Variants in ARHGAP29 observed in about 807,000 individuals in gnomAD.
ARHGAP29 encodes Rho GTPase activating protein 29.
In ARHGAP29, 43 loss-of-function variants were observed where a neutral mutation model predicts 122.6. The ratio of observed to expected loss-of-function variants is 0.35; its 90% CI spans 0.27 to 0.45. The LOEUF is 0.45. Ranked by LOEUF, ARHGAP29 falls within the 20% of genes least tolerant of loss-of-function variation. The pLI, the probability that ARHGAP29 is intolerant of heterozygous loss-of-function variation, is 1.00. For synonymous variants in ARHGAP29, 506 were observed against 497.1 expected (o/e 1.02, Z -0.24); for missense variants, 1,303 against 1,477.2 (o/e 0.88, Z 1.93).
chr1:94,284,117 T>A, the ARHGAP29 span, among the ~76,000 whole-genome samples: 2 of 149,400 alleles, frequency 1.3e-5, no homozygotes, highest in Non-Finnish European at 3.0e-5. Flanking sequence ...AAGCCAGGGC[T>A]GGAAACACAA....
intron 3 of ARHGAP29, among the ~76,000 whole-genome samples, chr1:94,219,073 T>G (rs1246801052): frequency 6.6e-6 from 1 of 152,082 alleles, no homozygotes; most frequent in Non-Finnish European, 1.5e-5. Flanking sequence ...TAGAGTGAGT[T>G]CCTCACTCTG....
chr1:94,184,172 G>A lies in ARHGAP29; in HGVS notation c.2226C>T (p.Val742=). 1.2e-6 allele frequency: 2 copies of A among 1,607,432 alleles called. No individual in the cohort carries two copies. Among genetic ancestry groups the A allele is most frequent in the Non-Finnish European group, 1.7e-6 (2 of 1,178,140 alleles). ...SEFSSHDICD[V]LKLYLRQLPE... is the part of the protein sequence containing the mutation. Reference sequence around the variant, plus strand: ...TTACCTGCCGAAGGTATAATTTCAAGACGTCACAGATATCATGTGAACTAA... The same window carrying A: ...TTACCTGCCGAAGGTATAATTTCAAAACGTCACAGATATCATGTGAACTAA... The change falls in exon 19 of 23, where the codon GTC becomes GTT. Residue 742 remains valine, a synonymous_variant. Coordinates refer to ENST00000260526, the MANE Select transcript of ARHGAP29 (RefSeq NM_004815.4).
At position 94,169,494 on chromosome 1, in the gene ARHGAP29, G is replaced by A. The variant is rs1238894509; in HGVS notation, c.*4375C>T. On this transcript the variant is annotated 3_prime_UTR_variant, in exon 23 of 23. Coordinates refer to ENST00000260526, the MANE Select transcript of ARHGAP29 (RefSeq NM_004815.4). ...TGGGAGTCAGGTTTCTATGAGAGAA[G>A]GAAGTTACAAAGATGGAAAGGGAGA... Among the ~76,000 whole-genome samples the A allele has an allele frequency of 2.6e-5, 4 of 152,172 alleles. No individual in the cohort carries two copies. The South Asian group carries it at 8.3e-4, about 32-fold the overall frequency.
upstream of ARHGAP29, chr1:94,237,816 G>C (rs1271713054): frequency 1.0e-6 from 1 of 971,802 alleles, no homozygotes; most frequent in Non-Finnish European, 1.2e-6. Context: ...CAGGGGACAG[G>C]CAGAGCGACT....
At chr1:94,177,406 A>T (rs1649161339) in intron 22 of ARHGAP29, 2 of 417,232 alleles carry the variant, frequency 4.8e-6, no homozygotes, top group East Asian at 7.7e-5. Context: ...ATGTCTTATT[A>T]TAAGAAAGAC....
At chr1:94,261,287 C>G (rs1354180872) in intron 1 of ARHGAP29, among the ~76,000 whole-genome samples, 4 of 152,158 alleles carry the variant, frequency 2.6e-5, no homozygotes, top group African/African-American at 9.7e-5. Flanking sequence ...GTTATTATAA[C>G]ACTGATCTCA....
chr1:94,177,385 T>C (rs1270233585), intron 22 of ARHGAP29: 7 of 368,634 alleles, frequency 1.9e-5, no homozygotes, highest in Non-Finnish European at 2.9e-5. Flanking sequence ...AAAAACATTA[T>C]AAACTCCAAG....
chr1:94,188,216 C>A (rs752161232), intron 15 of ARHGAP29, among the ~76,000 whole-genome samples: 1 of 152,086 alleles, frequency 6.6e-6, no homozygotes, highest in African/African-American at 2.4e-5. Context: ...GAATTCAAAT[C>A]GCTTACTCTA....
intron 1 of ARHGAP29, among the ~76,000 whole-genome samples, chr1:94,269,542 A>G (rs963075362): frequency 6.6e-6 from 1 of 152,084 alleles, no homozygotes; most frequent in Non-Finnish European, 1.5e-5. Flanking sequence ...GGTCAGAAAC[A>G]GAGGGAGCAA....
At chr1:94,206,039 G>C (rs895236073) in intron 5 of ARHGAP29, among the ~76,000 whole-genome samples, 2 of 152,170 alleles carry the variant, frequency 1.3e-5, no homozygotes, top group Non-Finnish European at 2.9e-5. Context: ...AGAAGACACA[G>C]ATCTGCCTCT....
At chr1:94,195,885 G>A (rs1650419557) in intron 12 of ARHGAP29, 1 of 152,012 alleles carries the variant, frequency 6.6e-6, no homozygotes. Context: ...TAAAAAGCAA[G>A]GGAATTTATC....
At chr1:94,257,762 T>C (rs1417067101) in intron 1 of ARHGAP29, among the ~76,000 whole-genome samples, 2 of 152,154 alleles carry the variant, frequency 1.3e-5, no homozygotes, top group Admixed American at 1.3e-4. Context: ...ATGACACATG[T>C]GACATTATCC....
At chr1:94,278,291 C>T (rs938135373), upstream of ARHGAP29, among the ~76,000 whole-genome samples, 5 of 151,698 alleles carry the variant, frequency 3.3e-5, no homozygotes, top group Non-Finnish European at 5.9e-5. Context: ...CGCATTCCAG[C>T]GTAGGCAACA....
the ARHGAP29 span, among the ~76,000 whole-genome samples, chr1:94,292,626 G>A: frequency 2.0e-5 from 3 of 152,250 alleles, no homozygotes; most frequent in South Asian, 2.1e-4. Context: ...GGTGACCTAC[G>A]GATGAGGTTT....
At chr1:94,186,870 A>G (rs750187351) in intron 15 of ARHGAP29, among the ~76,000 whole-genome samples, 7 of 152,224 alleles carry the variant, frequency 4.6e-5, no homozygotes, top group Non-Finnish European at 1.0e-4. Flanking sequence ...GATGGTAAGT[A>G]TTAGAGATTG....
chr1:94,230,833 T>C (rs1652881452), intron 2 of ARHGAP29, among the ~76,000 whole-genome samples: 1 of 151,870 alleles, frequency 6.6e-6, no homozygotes, highest in Non-Finnish European at 1.5e-5. Flanking sequence ...AGATATACAA[T>C]CTTTTACTTT....
the ARHGAP29 span, among the ~76,000 whole-genome samples, chr1:94,307,797 A>T: frequency 6.6e-6 from 1 of 152,252 alleles, no homozygotes; most frequent in Non-Finnish European, 1.5e-5. Flanking sequence ...AAAGCTATAC[A>T]TTAAATAGAA....
chr1:94,198,984 A>G (rs1650652952), intron 12 of ARHGAP29, among the ~76,000 whole-genome samples: 1 of 152,212 alleles, frequency 6.6e-6, no homozygotes, highest in South Asian at 2.1e-4. Flanking sequence ...GGCTTTATAA[A>G]AAGGACAGCG....
At chr1:94,176,633 G>A (rs1649109498) in intron 22 of ARHGAP29, 1 of 152,014 alleles carries the variant, frequency 6.6e-6, no homozygotes, top group Non-Finnish European at 1.5e-5. Context: ...CTTTGAGATG[G>A]AGTTTCTCTT....
Sources: allele counts gnomAD v4.1 joint callset (sites outside exome capture counted in the v4.1 genomes callset), GRCh38; gene constraint gnomAD v4.1.1; transcripts MANE v1.5; gene names NCBI Gene and HGNC (gene_info 2026-07-23, HGNC 2026-07-21).